Variants in C1orf87 observed in about 807,000 individuals in gnomAD.
C1orf87 encodes chromosome 1 open reading frame 87, also known as uncharacterized protein C1orf87.
C1orf87 carries 58 observed loss-of-function variants against 60.5 expected under a neutral mutation model. The ratio of observed to expected loss-of-function variants is 0.96; its 90% CI spans 0.78 to 1.19. The LOEUF is 1.19. C1orf87 is among the 50% of genes most tolerant of loss of function. C1orf87 has a pLI of 0.00. For missense variants in C1orf87, 673 were observed against 638.6 expected (o/e 1.05, Z -0.58); for synonymous variants, 236 against 227.4 (o/e 1.04, Z -0.34).
intron 6 of C1orf87, among the ~76,000 whole-genome samples, chr1:60,034,208 A>G (rs1488286120): frequency 6.6e-6 from 1 of 152,320 alleles, no homozygotes. Flanking sequence ...TTATTTACTT[A>G]CAGTCTGGCA....
chr1:60,047,347 A>G (rs1280318429), intron 3 of C1orf87, among the ~76,000 whole-genome samples: 1 of 152,154 alleles, frequency 6.6e-6, no homozygotes, highest in African/African-American at 2.4e-5. Flanking sequence ...ATGTGTTTCA[A>G]TCTATTGCAA....
At chr1:60,049,392 C>T (rs61803772) in intron 3 of C1orf87, among the ~76,000 whole-genome samples, 21,417 of 152,044 alleles carry the variant, frequency 0.14, 1,756 homozygotes, top group East Asian at 0.27. Context: ...GGAACATTTA[C>T]ATTTGTTTTT....
At chr1:59,992,161 C>A (rs1304428964) in intron 11 of C1orf87, among the ~76,000 whole-genome samples, 1 of 151,944 alleles carries the variant, frequency 6.6e-6, no homozygotes, top group Admixed American at 6.6e-5. Flanking sequence ...CTCTTGATTG[C>A]CTAAGGTTAA....
At chr1:59,993,109 G>A (rs1016812144) in intron 11 of C1orf87, among the ~76,000 whole-genome samples, 3 of 152,118 alleles carry the variant, frequency 2.0e-5, no homozygotes, top group African/African-American at 7.2e-5. Flanking sequence ...AGGTGTGGTG[G>A]CATGCACCAG....
At chr1:60,028,725 A>G (rs1364349097) in intron 7 of C1orf87, among the ~76,000 whole-genome samples, 2 of 151,896 alleles carry the variant, frequency 1.3e-5, no homozygotes, top group Non-Finnish European at 2.9e-5. Context: ...GTTACTAGGA[A>G]CCTCCGTGGT....
chr1:60,005,284 G>C (rs1216096603), intron 9 of C1orf87, among the ~76,000 whole-genome samples: 1 of 152,032 alleles, frequency 6.6e-6, no homozygotes, highest in Non-Finnish European at 1.5e-5. Flanking sequence ...TTACGTCTGT[G>C]GCTTGAACTA....
intron 7 of C1orf87, among the ~76,000 whole-genome samples, chr1:60,028,378 G>T (rs1039842848): frequency 6.6e-6 from 1 of 152,152 alleles, no homozygotes; most frequent in East Asian, 1.9e-4. Context: ...AGAACTGACT[G>T]CTGCCAGTTA....
At chr1:60,037,475 A>G (rs1645286029) in intron 6 of C1orf87, among the ~76,000 whole-genome samples, 1 of 152,232 alleles carries the variant, frequency 6.6e-6, no homozygotes, top group Non-Finnish European at 1.5e-5. Flanking sequence ...TTCTTGCTGC[A>G]TCATTCTGTG....
chr1:60,011,798 A>G (rs1645086918), intron 8 of C1orf87, among the ~76,000 whole-genome samples: 1 of 152,108 alleles, frequency 6.6e-6, no homozygotes, highest in Non-Finnish European at 1.5e-5. Context: ...AGGCTTTCCT[A>G]TATATGACAT....
rs78610960 is a variant in C1orf87 at position 60,005,292 on chromosome 1, C to G, written c.1193-4136G>C. Among the ~76,000 whole-genome samples the G allele has an allele frequency of 2.6e-3, 391 of 152,152 alleles. 4 individuals are homozygous for G. Among genetic ancestry groups the G allele is most frequent in the African/African-American group, 8.9e-3 (368 of 41,522 alleles). On this transcript the variant is annotated intron_variant, in intron 9 of 11. Transcript: ENST00000371201. The stretch of plus-strand genomic sequence containing the variant: ...GGCAGGGTTACGTCTGTGGCTTGAA[C>G]TAATTCATTCATGTAACAAACATTT...
Position 60,001,168 on chromosome 1 carries a change from T to TAAAAA in C1orf87, c.1193-17_1193-13dup. ...CTTTTCATTCTTCCCTGAACAAGAA[T>TAAAAA]AAAAAAAAAAAAAGGAAGGGTTTAG... On this transcript the variant is annotated splice_polypyrimidine_tract_variant and intron_variant, in intron 9 of 11. Coordinates refer to ENST00000371201, the MANE Select transcript of C1orf87 (RefSeq NM_152377.3). 1 of 1,290,058 alleles carries TAAAAA rather than the reference T, an allele frequency of 7.8e-7. No individual in the cohort carries two copies. Among genetic ancestry groups the TAAAAA allele is most frequent in the Non-Finnish European group, 1.0e-6 (1 of 963,158 alleles). The allele number at this position is 1,290,058 out of a possible 1,614,324, so 79.9% of individuals were successfully genotyped here.
chr1:60,030,029 T>G (rs534839507), intron 7 of C1orf87, among the ~76,000 whole-genome samples: 1 of 152,104 alleles, frequency 6.6e-6, no homozygotes, highest in African/African-American at 2.4e-5. Context: ...GGTGGGCACA[T>G]TGGTGTTCCT....
At chr1:60,018,894 TTATG>T (rs1434436861) in intron 8 of C1orf87, among the ~76,000 whole-genome samples, 13 of 152,226 alleles carry the variant, frequency 8.5e-5, no homozygotes, top group Admixed American at 6.5e-5. Flanking sequence ...ATATTCTAAC[TTATG>T]TATTATTTAT....
intron 3 of C1orf87, among the ~76,000 whole-genome samples, chr1:60,043,099 G>A (rs1645338561): frequency 6.6e-6 from 1 of 152,224 alleles, no homozygotes; most frequent in South Asian, 2.1e-4. Flanking sequence ...ATGCATGCAT[G>A]TAAGAGACAG....
chr1:60,058,541 G>C (rs1392998514), intron 2 of C1orf87, among the ~76,000 whole-genome samples: 2 of 152,116 alleles, frequency 1.3e-5, no homozygotes, highest in Non-Finnish European at 2.9e-5. Context: ...TAATATTATT[G>C]CTGAACATTT....
At chr1:60,009,514 C>T (rs1645068014) in intron 9 of C1orf87, among the ~76,000 whole-genome samples, 1 of 151,976 alleles carries the variant, frequency 6.6e-6, no homozygotes, top group South Asian at 2.1e-4. Flanking sequence ...TATCCCTCAG[C>T]TTTGGATACT....
chr1:59,990,585 C>T lies in C1orf87; in HGVS notation c.*88G>A, dbSNP rs191498814. 1,199 of 1,488,102 alleles carry T rather than the reference C, an allele frequency of 8.1e-4. 9 individuals carry two copies. The African/African-American group carries it at 0.015, about 18-fold the overall frequency. The allele number at this position is 1,488,102 out of a possible 1,614,324, so 92.2% of individuals were successfully genotyped here. ...TCGGCCTCCACTCTGACAATGCCTC[C>T]GCCACTACACTTAGGCTGGGGAGAA... is the stretch of plus-strand genomic sequence containing the variant. On this transcript the variant is annotated 3_prime_UTR_variant, in exon 12 of 12. Transcript: ENST00000371201.
intron 6 of C1orf87, among the ~76,000 whole-genome samples, chr1:60,034,914 T>A (rs1306967055): frequency 6.6e-6 from 1 of 151,888 alleles, no homozygotes; most frequent in East Asian, 1.9e-4. Flanking sequence ...TGTCCAAAGG[T>A]GATATTATTT....
chr1:60,010,227 T>A (rs1005134127), intron 9 of C1orf87, among the ~76,000 whole-genome samples, 165 bp downstream of exon 9: 2 of 152,038 alleles, frequency 1.3e-5, no homozygotes, highest in Admixed American at 1.3e-4. Flanking sequence ...GAATAGCCAT[T>A]AAGGTGATTC....
Sources: allele counts gnomAD v4.1 joint callset (sites outside exome capture counted in the v4.1 genomes callset), GRCh38; gene constraint gnomAD v4.1.1; transcripts MANE v1.5; gene names NCBI Gene and HGNC (gene_info 2026-07-23, HGNC 2026-07-21).